The following RP1 variants were observed in gnomAD, a reference collection of about 807,000 sequenced individuals.
RP1 encodes oxygen-regulated protein 1.
A neutral mutation model predicts 14.8 loss-of-function variants in RP1; 16 were observed. The observed-to-expected ratio is 1.08, with a 90% CI of 0.73 to 1.65. The LOEUF is 1.65. Ranked by LOEUF, RP1 falls within the 40% of genes most tolerant of loss-of-function variation. The probability of loss-of-function intolerance (pLI) is 0.00; values close to 1 mark genes in which losing one functional copy is unlikely to be tolerated. For missense variants in RP1, 2,631 were observed against 2,535.0 expected (o/e 1.04, Z -0.81); for synonymous variants, 876 against 883.6 (o/e 0.99, Z 0.15).
intron 1 of RP1, among the ~76,000 whole-genome samples, chr8:54,570,328 T>C (rs1308897596): frequency 1.5e-5 from 2 of 131,642 alleles, no homozygotes; most frequent in African/African-American, 5.1e-5. Context: ...TTTGCTTTTA[T>C]GTACTTTTTT....
At chr8:54,764,118 G>A (rs909907901) in intron 22 of RP1, among the ~76,000 whole-genome samples, 2 of 152,204 alleles carry the variant, frequency 1.3e-5, no homozygotes, top group Non-Finnish European at 1.5e-5. Context: ...AAAAGAGTCT[G>A]TTGTTCCACC....
intron 20 of RP1, chr8:54,755,063 G>A: frequency 2.0e-6 from 2 of 1,022,556 alleles, no homozygotes; most frequent in Non-Finnish European, 2.6e-6. Context: ...TTACTCTTGA[G>A]AAGTGACTTT....
At chr8:54,778,608 C>A (rs1362643148) in intron 23 of RP1, among the ~76,000 whole-genome samples, 1 of 152,170 alleles carries the variant, frequency 6.6e-6, no homozygotes, top group Non-Finnish European at 1.5e-5. Flanking sequence ...CAGGCATGAG[C>A]CACAATGCCC....
chr8:54,815,910 T>A (rs1811123766), intron 24 of RP1, among the ~76,000 whole-genome samples: 1 of 152,202 alleles, frequency 6.6e-6, no homozygotes, highest in Non-Finnish European at 1.5e-5. Flanking sequence ...CTCTGAGTGG[T>A]ATTATTACTT....
chr8:54,837,473 A>T (rs1811687050), exon 25 of RP1: 1 of 1,230,270 alleles, frequency 8.1e-7, no homozygotes, highest in Admixed American at 4.2e-5. Context: ...ATATTGGTGA[A>T]ATCTATAAAA....
intron 15 of RP1, among the ~76,000 whole-genome samples, chr8:54,719,182 C>T (rs2129349947): frequency 6.6e-6 from 1 of 152,180 alleles, no homozygotes; most frequent in African/African-American, 2.4e-5. Context: ...TTATGGTGCC[C>T]CTCCACCTGA....
intron 23 of RP1, chr8:54,783,515 AC>A: frequency 3.5e-6 from 4 of 1,157,432 alleles, no homozygotes; most frequent in Middle Eastern, 6.5e-4. Flanking sequence ...TTTCCCCTAT[AC>A]TTTTATATTG....
At chr8:54,642,247 C>G (rs887186219) in intron 3 of RP1, among the ~76,000 whole-genome samples, 2 of 151,980 alleles carry the variant, frequency 1.3e-5, no homozygotes, top group African/African-American at 4.8e-5. Context: ...CACAAAGTTC[C>G]TATATGCTGA....
chr8:54,826,235 T>C (rs1375133833), intron 24 of RP1, among the ~76,000 whole-genome samples: 1 of 152,180 alleles, frequency 6.6e-6, no homozygotes, highest in Non-Finnish European at 1.5e-5. Flanking sequence ...AGAAACATTT[T>C]TGTAGGCAAA....
rs775043315 is a variant in RP1, at chr8:54,626,495, A to T, written c.2613A>T (p.Lys871Asn). 10 of 1,613,778 alleles carry T rather than the reference A, an allele frequency of 6.2e-6. No homozygotes were observed. The Admixed American group carries it at 1.7e-4, about 27-fold the overall frequency. ...ACATAACTTTAAAAAGCCAGAAAAA[A>T]CGTAAAGGGGATAAAGTGAAAGCAA... ...DSHITLKSQK[K>N]RKGDKVKASA... Residue 871 changes from lysine (K) to asparagine (N), a missense_variant, in exon 4 of 4, where the codon AAA (lysine) becomes AAT (asparagine). Physicochemically the swap from Lys to Asn is moderately conservative, Grantham distance 94. Coordinates refer to ENST00000220676, the MANE Select transcript of RP1 (RefSeq NM_006269.2).
At chr8:54,577,886 A>G (rs911724042) in intron 1 of RP1, among the ~76,000 whole-genome samples, 2 of 152,218 alleles carry the variant, frequency 1.3e-5, no homozygotes, top group Admixed American at 6.5e-5. Flanking sequence ...ATAACTTCCA[A>G]TGATGAGAAG....
chr8:54,591,964 A>T (rs1254239214), intron 1 of RP1, among the ~76,000 whole-genome samples: 1 of 152,206 alleles, frequency 6.6e-6, no homozygotes, highest in Non-Finnish European at 1.5e-5. Flanking sequence ...CTTCTGCCTC[A>T]TTCTTTTGGT....
intron 1 of RP1, among the ~76,000 whole-genome samples, chr8:54,559,815 A>T: frequency 6.6e-6 from 1 of 152,172 alleles, no homozygotes; most frequent in Non-Finnish European, 1.5e-5. Context: ...ACAGTATGAT[A>T]AAGGATGACT....
At position 54,861,848 on chromosome 8, in the gene RP1, C is replaced by T. The variant is rs144428511; in HGVS notation, c.4070-3987C>T. Among the ~76,000 whole-genome samples the T allele has an allele frequency of 8.7e-4, 132 of 152,258 alleles. 1 individual carries two copies. Among genetic ancestry groups the T allele is most frequent in the African/African-American group, 3.0e-3 (126 of 41,558 alleles). On this transcript the variant is annotated intron_variant, in intron 27 of 28. Coordinates refer to the RP1 transcript ENST00000637698. ...CAAACCTGACTTCAGGTAATCTACC[C>T]GCCTTGGCCTCCAAAAGTGCTGGGA...
chr8:54,755,507 A>G lies in RP1; in HGVS notation c.2942-112A>G, dbSNP rs914143334. On this transcript the variant is annotated intron_variant, in intron 20 of 22. Transcript: ENST00000636932. ...AAATCCAGATTACAGGAATTCTCATATATGTTTTTCTTTTTTTACTATAGC... is the reference window on the plus strand; with the variant it reads ...AAATCCAGATTACAGGAATTCTCATGTATGTTTTTCTTTTTTTACTATAGC... The G allele has an allele frequency of 2.2e-4, 215 of 980,060 alleles. 1 individual carries two copies. The highest frequency in any genetic ancestry group is 2.6e-4 in the Middle Eastern group (1 of 3,822). 60.7% of individuals were successfully genotyped at this position (980,060 alleles called of 1,614,324 possible).
chr8:54,696,324 G>T, intron 12 of RP1: 1 of 460,058 alleles, frequency 2.2e-6, no homozygotes. Context: ...ATACAAAATG[G>T]GCTGTGCTGA....
intron 1 of RP1, among the ~76,000 whole-genome samples, chr8:54,583,005 T>A (rs980396862): frequency 1.3e-5 from 2 of 152,216 alleles, no homozygotes; most frequent in African/African-American, 4.8e-5. Flanking sequence ...TTCTCCTGCC[T>A]GATTGCCCTG....
Position 54,628,316 on chromosome 8 carries a change from C to CT in RP1, c.4437dup (p.Asn1480Ter). 1.2e-6 allele frequency: 2 copies of CT among 1,613,694 alleles called. No individual in the cohort carries two copies. Among genetic ancestry groups the CT allele is most frequent in the Non-Finnish European group, 1.7e-6 (2 of 1,179,836 alleles). On this transcript the variant is annotated frameshift_variant, in exon 4 of 4. Transcript: ENST00000220676. LOFTEE classifies it low-confidence loss of function (END_TRUNC). ...AATTAGAAAACCATGACACTGATATCTTTAATACAGTGGTAAATGGAGGAG... is the reference window on the plus strand; with the variant it reads ...AATTAGAAAACCATGACACTGATATCTTTTAATACAGTGGTAAATGGAGGAG...
At chr8:54,644,599 G>T (rs1338563658) in intron 3 of RP1, among the ~76,000 whole-genome samples, 5 of 152,102 alleles carry the variant, frequency 3.3e-5, no homozygotes, top group Non-Finnish European at 5.9e-5. Flanking sequence ...TTAGCAAGAG[G>T]TTGTTCAGGC....
Sources: allele counts gnomAD v4.1 joint callset (sites outside exome capture counted in the v4.1 genomes callset), GRCh38; gene constraint gnomAD v4.1.1; transcripts MANE v1.5; gene names NCBI Gene and HGNC (gene_info 2026-07-23, HGNC 2026-07-21).